Variants in MYO16 observed in about 807,000 individuals in gnomAD.
MYO16 encodes the protein unconventional myosin-XVI.
A neutral mutation model predicts 205.3 loss-of-function variants in MYO16; 94 were observed. That is an observed-to-expected ratio of 0.46 (90% CI 0.39 to 0.54). MYO16 has a LOEUF of 0.54. Among genes scored for constraint, MYO16 ranks in the 20% least tolerant of loss-of-function variants. The pLI, the probability that MYO16 is intolerant of heterozygous loss-of-function variation, is 0.00. For synonymous variants in MYO16, 988 were observed against 954.0 expected, an observed-to-expected ratio of 1.04 and a Z score of -0.66; for missense variants, 2,315 against 2,387.5, an observed-to-expected ratio of 0.97 and a Z score of 0.63.
intron 4 of MYO16, among the ~76,000 whole-genome samples, chr13:108,747,606 A>G (rs1366899509): frequency 6.6e-6 from 1 of 152,164 alleles, no homozygotes; most frequent in Admixed American, 6.5e-5. Flanking sequence ...GTGGCAAAAG[A>G]AGAAGAGAAA....
At chr13:109,129,561 G>C (rs914509536) in intron 31 of MYO16, among the ~76,000 whole-genome samples, 1 of 152,072 alleles carries the variant, frequency 6.6e-6, no homozygotes, top group Non-Finnish European at 1.5e-5. Flanking sequence ...CTACTTTCAG[G>C]CCTCCATGTT....
At chr13:108,961,243 G>C (rs1434259018) in intron 17 of MYO16, among the ~76,000 whole-genome samples, 5 of 152,042 alleles carry the variant, frequency 3.3e-5, no homozygotes, top group Admixed American at 3.3e-4. Flanking sequence ...ATTCATTTTT[G>C]TTATTACAAT....
the MYO16 span, among the ~76,000 whole-genome samples, chr13:108,572,932 C>T: frequency 1.8e-4 from 28 of 152,118 alleles, no homozygotes; most frequent in Admixed American, 5.2e-4. Context: ...TGTGGGTGTC[C>T]GCTGCAGATA....
intron 32 of MYO16, among the ~76,000 whole-genome samples, chr13:109,149,616 G>C (rs984576049): frequency 5.9e-5 from 9 of 152,180 alleles, no homozygotes; most frequent in Non-Finnish European, 2.9e-5. Context: ...CTCATTGCCA[G>C]GAAAACATGT....
At chr13:108,539,746 A>G in the MYO16 span, among the ~76,000 whole-genome samples, 5 of 152,094 alleles carry the variant, frequency 3.3e-5, no homozygotes, top group African/African-American at 1.2e-4. Flanking sequence ...GAGATAATCA[A>G]TTTCTGATTT....
chr13:109,153,737 C>T lies in MYO16; in HGVS notation c.5165-11164C>T, dbSNP rs533067756. ...CTGCAGCACTGCACTCCAGCCTGGG[C>T]GACAGGGCGAGACTCTGTCTCAAAA... On this transcript the variant is annotated intron_variant, in intron 32 of 34. Coordinates refer to ENST00000457511, the MANE Select transcript of MYO16 (RefSeq NM_001198950.3). Among the ~76,000 whole-genome samples, 85 of 152,098 alleles carry T rather than the reference C, an allele frequency of 5.6e-4. 1 individual carries two copies. Among genetic ancestry groups the T allele is most frequent in the Non-Finnish European group, 8.5e-4 (58 of 67,982 alleles).
intron 29 of MYO16, among the ~76,000 whole-genome samples, chr13:109,123,426 C>T (rs982233221): frequency 5.9e-5 from 9 of 152,128 alleles, no homozygotes; most frequent in African/African-American, 2.2e-4. Flanking sequence ...TTTCACCCTT[C>T]CGAAAGCCAA....
At chr13:108,941,820 C>T (rs572546759) in intron 16 of MYO16, among the ~76,000 whole-genome samples, 2 of 151,582 alleles carry the variant, frequency 1.3e-5, no homozygotes, top group East Asian at 1.9e-4. Flanking sequence ...AATGCTCTTT[C>T]GTGTTTGTTG....
At chr13:108,611,972 C>CTTT (rs201871787) in intron 1 of MYO16, among the ~76,000 whole-genome samples, 278 of 89,754 alleles carry the variant, frequency 3.1e-3, no homozygotes, top group Middle Eastern at 7.2e-3. Context: ...TTTTTTTTTT[C>CTTT]TTTTTTTTTT....
chr13:109,121,495 G>A (rs1875988557), intron 29 of MYO16, among the ~76,000 whole-genome samples: 1 of 152,262 alleles, frequency 6.6e-6, no homozygotes, highest in Non-Finnish European at 1.5e-5. Context: ...TCCTTTGGCC[G>A]GTCATTTGTA....
At chr13:108,696,642 T>C (rs1251656181) in intron 2 of MYO16, among the ~76,000 whole-genome samples, 4 of 152,216 alleles carry the variant, frequency 2.6e-5, no homozygotes, top group African/African-American at 9.6e-5. Context: ...GATTTCCTTT[T>C]ATCTTGAGCT....
At chr13:109,192,886 C>T (rs561007104) in intron 34 of MYO16, among the ~76,000 whole-genome samples, 11 of 152,176 alleles carry the variant, frequency 7.2e-5, no homozygotes, top group Non-Finnish European at 4.4e-5. Flanking sequence ...ACCTCTTCAT[C>T]ATTTATTTGC....
At chr13:109,019,649 A>G (rs1885952242) in intron 22 of MYO16, 62 bp from the exon 23 acceptor site, 1 of 1,326,268 alleles carries the variant, frequency 7.5e-7, no homozygotes, top group Non-Finnish European at 1.1e-6. Flanking sequence ...TGCTTGAATA[A>G]TAACAAAAAT....
At chr13:108,837,462 TTGAG>T (rs1876989679) in intron 9 of MYO16, among the ~76,000 whole-genome samples, 2 of 152,204 alleles carry the variant, frequency 1.3e-5, no homozygotes, top group Admixed American at 1.3e-4. Context: ...TATGATATAA[TTGAG>T]TGAGTTAGTG....
At chr13:108,705,786 A>T (rs1883487170) in intron 2 of MYO16, among the ~76,000 whole-genome samples, 1 of 152,192 alleles carries the variant, frequency 6.6e-6, no homozygotes, top group South Asian at 2.1e-4. Context: ...CATGAAACGA[A>T]AAAATTCCTA....
chr13:108,914,996 GT>G (rs2139246223), intron 16 of MYO16, among the ~76,000 whole-genome samples: 1 of 152,270 alleles, frequency 6.6e-6, no homozygotes, highest in East Asian at 1.9e-4. Context: ...CTTTGACTCT[GT>G]TTTTAGAACT....
chr13:108,903,897 A>G lies in MYO16; in HGVS notation c.1777+5764A>G, dbSNP rs561278068. ...GCTGCTCTATCTCAAACCAGGTCAA[A>G]TAAGTGTTGATTACAGATTGAGTTT... On this transcript the variant is annotated intron_variant, in intron 15 of 34. Transcript: ENST00000457511. 5.9e-5 allele frequency among the ~76,000 whole-genome samples: 9 copies of G among 152,326 alleles called. No individual in the cohort carries two copies. The South Asian group carries it at 1.2e-3, about 21-fold the overall frequency.
chr13:108,573,565 A>G, the MYO16 span, among the ~76,000 whole-genome samples: 3 of 152,184 alleles, frequency 2.0e-5, no homozygotes, highest in African/African-American at 7.2e-5. Flanking sequence ...CCAGGGATAG[A>G]CTGGTGATAG....
chr13:108,993,175 C>T lies in MYO16; in HGVS notation c.2442+727C>T, dbSNP rs184767867. Among the ~76,000 whole-genome samples, 12 of 152,104 alleles carry T rather than the reference C, an allele frequency of 7.9e-5. No individual in the cohort carries two copies. In the Middle Eastern group the frequency reaches 0.014, roughly 172 times the overall value. On this transcript the variant is annotated intron_variant, in intron 21 of 34. Coordinates refer to ENST00000457511, the MANE Select transcript of MYO16 (RefSeq NM_001198950.3). The stretch of plus-strand genomic sequence containing the variant: ...CATTTGGGAGGAATTTTCATAGTTA[C>T]GTAATTTGTTTAGCTTTATTTTCTT...
Sources: allele counts gnomAD v4.1 joint callset (sites outside exome capture counted in the v4.1 genomes callset), GRCh38; gene constraint gnomAD v4.1.1; transcripts MANE v1.5; gene names NCBI Gene and HGNC (gene_info 2026-07-23, HGNC 2026-07-21).